The following RANBP17 variants were observed in gnomAD, a reference collection of about 807,000 sequenced individuals.
The protein encoded by RANBP17 is ran-binding protein 17.
Under a neutral mutation model 141.2 loss-of-function variants are expected in RANBP17, and 158 were observed. The observed-to-expected ratio is 1.12, with a 90% confidence interval of 0.98 to 1.28. The LOEUF (loss-of-function observed/expected upper bound fraction) is 1.28, where lower values mean the gene tolerates loss of function less well. RANBP17 is among the 50% of genes most tolerant of loss of function. The pLI is 0.00. For synonymous variants in RANBP17, 430 were observed against 450.0 expected, an observed-to-expected ratio of 0.96 and a Z score of 0.56; for missense variants, 1,438 against 1,290.7, an observed-to-expected ratio of 1.11 and a Z score of -1.75.
intron 14 of RANBP17, among the ~76,000 whole-genome samples, chr5:171,011,938 T>A (rs901380803): frequency 1.3e-5 from 2 of 151,968 alleles, no homozygotes; most frequent in Admixed American, 6.6e-5. Flanking sequence ...ATTTTAACAT[T>A]TTTGAAAAGT....
At chr5:171,097,032 T>C (rs528023473) in intron 14 of RANBP17, among the ~76,000 whole-genome samples, 8 of 152,322 alleles carry the variant, frequency 5.3e-5, no homozygotes, top group East Asian at 3.9e-4. Flanking sequence ...TTTATACTTA[T>C]GTTTTACAAA....
rs1051180207 is a variant in RANBP17, at chr5:171,295,744, A to C, written c.3043-143A>C. 1.4e-5 allele frequency: 11 copies of C among 769,390 alleles called. No homozygotes were observed. The African/African-American group carries it at 1.7e-4, about 12-fold the overall frequency. 47.7% of individuals were successfully genotyped at this position (769,390 alleles called of 1,614,324 possible). On this transcript the variant is annotated intron_variant, in intron 26 of 27. Coordinates refer to ENST00000523189, the MANE Select transcript of RANBP17 (RefSeq NM_022897.5). ...TGGCATGGATTTTCTCTAAGGGCTTAAAGTTCAAAGTGGACCTAGACAAAA... is the reference window on the plus strand; with the variant it reads ...TGGCATGGATTTTCTCTAAGGGCTTCAAGTTCAAAGTGGACCTAGACAAAA...
intron 22 of RANBP17, among the ~76,000 whole-genome samples, chr5:171,230,113 TA>T (rs1202910795): frequency 6.6e-6 from 1 of 151,984 alleles, no homozygotes; most frequent in Non-Finnish European, 1.5e-5. Context: ...TTAAGGAACT[TA>T]AGTCCAGCAG....
chr5:171,282,182 A>AT (rs1261325555), intron 25 of RANBP17, among the ~76,000 whole-genome samples: 1 of 152,254 alleles, frequency 6.6e-6, no homozygotes, highest in Non-Finnish European at 1.5e-5. Context: ...ACGATGGACT[A>AT]TTGGCATAAT....
At chr5:171,022,385 C>T (rs148997253) in intron 14 of RANBP17, among the ~76,000 whole-genome samples, 1,607 of 152,302 alleles carry the variant, frequency 0.011, 25 homozygotes, top group African/African-American at 0.036. Flanking sequence ...CTCAGAACTA[C>T]GAGGAGGAAA....
At chr5:170,954,721 AT>A (rs1250619232) in intron 13 of RANBP17, among the ~76,000 whole-genome samples, 6 of 152,090 alleles carry the variant, frequency 3.9e-5, no homozygotes, top group Non-Finnish European at 8.8e-5. Flanking sequence ...GTTTTTAGTT[AT>A]ATCTTTATGT....
intron 14 of RANBP17, among the ~76,000 whole-genome samples, chr5:171,043,906 A>G (rs1343956720): frequency 1.3e-5 from 2 of 152,186 alleles, no homozygotes; most frequent in African/African-American, 4.8e-5. Context: ...AAACTATTAG[A>G]GACAATCTAT....
intron 14 of RANBP17, among the ~76,000 whole-genome samples, chr5:171,071,943 A>G (rs1784659206): frequency 6.6e-6 from 1 of 152,122 alleles, no homozygotes; most frequent in African/African-American, 2.4e-5. Context: ...ACAAGAATGA[A>G]AAGTCAAGTG....
intron 14 of RANBP17, among the ~76,000 whole-genome samples, chr5:171,062,779 C>A (rs570871552): frequency 2.0e-5 from 3 of 152,164 alleles, no homozygotes; most frequent in African/African-American, 4.8e-5. Context: ...CCATTCTCCC[C>A]GTCACTTTCA....
chr5:171,007,800 T>A (rs1207749724), intron 14 of RANBP17, among the ~76,000 whole-genome samples: 2 of 152,066 alleles, frequency 1.3e-5, no homozygotes, highest in Non-Finnish European at 2.9e-5. Flanking sequence ...AGATTTTAGG[T>A]CAGGCAAGAG....
chr5:170,906,767 C>G (rs771322478), intron 5 of RANBP17, among the ~76,000 whole-genome samples: 3 of 151,696 alleles, frequency 2.0e-5, no homozygotes, highest in Non-Finnish European at 4.4e-5. Flanking sequence ...CCAATAGGAC[C>G]TTTTTCAAGC....
chr5:171,268,864 A>G (rs1373785881), intron 25 of RANBP17, among the ~76,000 whole-genome samples: 1 of 152,218 alleles, frequency 6.6e-6, no homozygotes, highest in Non-Finnish European at 1.5e-5. Context: ...AAAATACCAT[A>G]TCATGTTTTG....
chr5:170,970,246 T>C (rs10040290), intron 14 of RANBP17, among the ~76,000 whole-genome samples: 92,644 of 151,392 alleles, frequency 0.61, 29,756 homozygotes, highest in South Asian at 0.89. Flanking sequence ...GTGTATTGTC[T>C]GATTCCAAAT....
intron 14 of RANBP17, among the ~76,000 whole-genome samples, chr5:171,020,385 T>G (rs1780762689): frequency 6.6e-6 from 1 of 152,158 alleles, no homozygotes; most frequent in African/African-American, 2.4e-5. Context: ...TCTCCCATTA[T>G]TATTGTGTGG....
intron 14 of RANBP17, among the ~76,000 whole-genome samples, chr5:170,981,253 A>G (rs556784829): frequency 1.2e-3 from 97 of 82,238 alleles, no homozygotes; most frequent in Admixed American, 0.01. Flanking sequence ...GAGACTATGG[A>G]CTGTGGACTT....
chr5:171,218,450 AT>A, intron 21 of RANBP17, among the ~76,000 whole-genome samples: 1 of 152,120 alleles, frequency 6.6e-6, no homozygotes, highest in South Asian at 2.1e-4. Context: ...CTCCTTGCTA[AT>A]TTTCTGTCTC....
chr5:171,033,260 C>T (rs2127620848), intron 14 of RANBP17, among the ~76,000 whole-genome samples: 1 of 152,176 alleles, frequency 6.6e-6, no homozygotes, highest in East Asian at 1.9e-4. Context: ...TGTGGATAGG[C>T]CAGTGGTCTT....
intron 14 of RANBP17, among the ~76,000 whole-genome samples, chr5:171,154,331 C>T (rs536014960): frequency 9.2e-5 from 14 of 152,154 alleles, no homozygotes; most frequent in South Asian, 2.1e-4. Context: ...GGCTGGAGTG[C>T]GGTGGCACGA....
At chr5:170,985,774 A>T (rs1778102634) in intron 14 of RANBP17, among the ~76,000 whole-genome samples, 1 of 152,184 alleles carries the variant, frequency 6.6e-6, no homozygotes, top group African/African-American at 2.4e-5. Flanking sequence ...CCTAAAGAAA[A>T]TATTTATTAG....
Sources: allele counts gnomAD v4.1 joint callset (sites outside exome capture counted in the v4.1 genomes callset), GRCh38; gene constraint gnomAD v4.1.1; transcripts MANE v1.5; gene names NCBI Gene and HGNC (gene_info 2026-07-23, HGNC 2026-07-21).